Variants in IL1RAPL2 observed in about 807,000 individuals in gnomAD.
IL1RAPL2 encodes X-linked interleukin-1 receptor accessory protein-like 2.
A neutral mutation model predicts 44.1 loss-of-function variants in IL1RAPL2; 3 were observed. The ratio of observed to expected loss-of-function variants is 0.07; its 90% CI spans 0.03 to 0.18. The LOEUF (loss-of-function observed/expected upper bound fraction) is 0.18, where lower values mean the gene tolerates loss of function less well. Ranked by LOEUF, IL1RAPL2 falls within the 10% of genes least tolerant of loss-of-function variation. The probability of loss-of-function intolerance (pLI) is 1.00; values close to 1 mark genes in which losing one functional copy is unlikely to be tolerated. For synonymous variants in IL1RAPL2, 181 were observed against 178.8 expected (o/e 1.01, Z -0.10); for missense variants, 391 against 496.4 (o/e 0.79, Z 2.02).
chrX:105,533,244 C>T (rs1371951384), intron 6 of IL1RAPL2, among the ~76,000 whole-genome samples: 2 of 111,684 alleles, frequency 1.8e-5, no homozygotes, highest in Non-Finnish European at 3.8e-5. Context: ...TGGGAAATCA[C>T]CACAGATAAA....
chrX:105,062,319 A>T (rs753960432), intron 2 of IL1RAPL2, among the ~76,000 whole-genome samples: 1 of 111,997 alleles, frequency 8.9e-6, no homozygotes, highest in South Asian at 3.7e-4. Flanking sequence ...AAGTTCTATA[A>T]ACTCTACACC....
At chrX:105,466,939 A>AT (rs961973228) in intron 5 of IL1RAPL2, among the ~76,000 whole-genome samples, 37 of 110,755 alleles carry the variant, frequency 3.3e-4, no homozygotes, top group Admixed American at 2.7e-3. Context: ...AGCCAAACCC[A>AT]TTTTTTTTAA....
chrX:105,028,297 A>G (rs1407505779), intron 2 of IL1RAPL2, among the ~76,000 whole-genome samples: 2 of 110,934 alleles, frequency 1.8e-5, no homozygotes, highest in African/African-American at 6.5e-5. Flanking sequence ...GTCAATAATA[A>G]CTTAATTGTA....
intron 1 of IL1RAPL2, among the ~76,000 whole-genome samples, chrX:104,646,469 T>C (rs1294849906): frequency 8.9e-6 from 1 of 111,752 alleles, no homozygotes; most frequent in Non-Finnish European, 1.9e-5. Context: ...CTGTTGTAGG[T>C]ATCATATTAA....
chrX:104,808,889 T>C (rs1018670253), intron 2 of IL1RAPL2, among the ~76,000 whole-genome samples: 4 of 111,453 alleles, frequency 3.6e-5, no homozygotes, highest in African/African-American at 1.3e-4. Flanking sequence ...AGTTCTGAGG[T>C]TCAGCATCAA....
Position 105,591,223 on chromosome X carries a change from A to G in IL1RAPL2, c.772+106836A>G, listed in dbSNP as rs1050390418. On this transcript the variant is annotated intron_variant, in intron 6 of 10. Coordinates refer to ENST00000372582, the MANE Select transcript of IL1RAPL2 (RefSeq NM_017416.2). ...ATAGAGGTGTTTGTGATAGTCTCCA[A>G]GGTTTTTTTTTTTTAATTTCTGTAG... Among the ~76,000 whole-genome samples, 9 of 107,550 alleles carry G rather than the reference A, an allele frequency of 8.4e-5. No homozygotes were observed. In the Admixed American group the frequency reaches 8.9e-4, roughly 11 times the overall value. The allele number at this position is 107,550 out of a possible 115,157, so 93.4% of individuals were successfully genotyped here.
chrX:105,362,525 C>G (rs1478600672), intron 5 of IL1RAPL2, among the ~76,000 whole-genome samples: 2 of 110,531 alleles, frequency 1.8e-5, no homozygotes, highest in African/African-American at 6.6e-5. Flanking sequence ...TCCACGCCCG[C>G]CCCCCAAAGA....
At chrX:105,143,252 AAAAC>A (rs773731952) in intron 2 of IL1RAPL2, among the ~76,000 whole-genome samples, 25 of 111,999 alleles carry the variant, frequency 2.2e-4, no homozygotes, top group South Asian at 1.1e-3. Flanking sequence ...TCACAAGAAA[AAAAC>A]AAACAACCCC....
At chrX:105,270,896 G>C (rs1291963069) in intron 5 of IL1RAPL2, among the ~76,000 whole-genome samples, 7 of 111,404 alleles carry the variant, frequency 6.3e-5, no homozygotes, top group African/African-American at 2.3e-4. Flanking sequence ...TGTAAATAGA[G>C]GTTCTTTAAA....
intron 2 of IL1RAPL2, among the ~76,000 whole-genome samples, chrX:105,080,042 C>T (rs1300964976): frequency 1.8e-5 from 2 of 111,511 alleles, no homozygotes; most frequent in Admixed American, 9.5e-5. Context: ...TCTTTGATGG[C>T]GTTGTTTTAT....
chrX:105,184,442 C>T (rs1261884702), intron 2 of IL1RAPL2, among the ~76,000 whole-genome samples: 1 of 100,928 alleles, frequency 9.9e-6, no homozygotes, highest in Non-Finnish European at 2.0e-5. Context: ...CATTATATAA[C>T]AACATAAAAT....
At chrX:104,654,975 G>A (rs990759171) in intron 1 of IL1RAPL2, among the ~76,000 whole-genome samples, 2 of 111,185 alleles carry the variant, frequency 1.8e-5, no homozygotes, top group African/African-American at 3.3e-5. Context: ...CTCTCTGTTT[G>A]TCTGTTATTG....
At chrX:104,706,174 T>C (rs1178642584) in intron 2 of IL1RAPL2, among the ~76,000 whole-genome samples, 1 of 111,293 alleles carries the variant, frequency 9.0e-6, no homozygotes, top group Non-Finnish European at 1.9e-5. Context: ...TGTGTGCCCA[T>C]GGACAAGTCA....
intron 2 of IL1RAPL2, among the ~76,000 whole-genome samples, chrX:104,871,998 C>T (rs1180003138): frequency 9.0e-6 from 1 of 111,629 alleles, no homozygotes; most frequent in African/African-American, 3.3e-5. Flanking sequence ...TAAATTGTAT[C>T]TGTTGTTGAG....
chrX:105,762,457 G>T (rs1364287056), intron 10 of IL1RAPL2, among the ~76,000 whole-genome samples: 1 of 111,617 alleles, frequency 9.0e-6, no homozygotes, highest in Non-Finnish European at 1.9e-5. Flanking sequence ...AGAGACAAAA[G>T]AAAAAGTTTT....
intron 1 of IL1RAPL2, among the ~76,000 whole-genome samples, chrX:104,567,658 C>T (rs1180556255): frequency 8.9e-6 from 1 of 112,295 alleles, no homozygotes; most frequent in Admixed American, 9.3e-5. Flanking sequence ...CCCGATACCC[C>T]TAGAGTGGGT....
chrX:104,947,495 C>A (rs1351967583), intron 2 of IL1RAPL2, among the ~76,000 whole-genome samples: 1 of 102,699 alleles, frequency 9.7e-6, no homozygotes, highest in Admixed American at 1.1e-4. Flanking sequence ...CTTGCCCACG[C>A]CTATGTCCTG....
chrX:104,681,792 G>T (rs1228286002), intron 2 of IL1RAPL2, among the ~76,000 whole-genome samples: 7 of 112,487 alleles, frequency 6.2e-5, no homozygotes, highest in Non-Finnish European at 5.6e-5. Context: ...GGCTGGCATG[G>T]ACTCTTTTGC....
intron 5 of IL1RAPL2, among the ~76,000 whole-genome samples, chrX:105,400,576 T>C (rs369609174): frequency 1.2e-4 from 13 of 111,403 alleles, no homozygotes; most frequent in East Asian, 5.6e-4. Context: ...ATAAACCAAA[T>C]CTTAGAATAT....
Sources: allele counts gnomAD v4.1 joint callset (sites outside exome capture counted in the v4.1 genomes callset), GRCh38; gene constraint gnomAD v4.1.1; transcripts MANE v1.5; gene names NCBI Gene and HGNC (gene_info 2026-07-23, HGNC 2026-07-21).